Variants in CTXN1 observed in about 807,000 individuals in gnomAD.
CTXN1 encodes the protein cortexin-1.
A neutral mutation model predicts 5.5 loss-of-function variants in CTXN1; 4 were observed. The observed-to-expected ratio is 0.73, with a 90% CI of 0.36 to 1.68. The LOEUF (loss-of-function observed/expected upper bound fraction) is 1.68, where lower values mean the gene tolerates loss of function less well. Ranked by LOEUF, CTXN1 falls within the 40% of genes most tolerant of loss-of-function variation. The pLI, the probability that CTXN1 is intolerant of heterozygous loss-of-function variation, is 0.05. For synonymous variants in CTXN1, 67 were observed against 62.8 expected, an observed-to-expected ratio of 1.07 and a Z score of -0.32; for missense variants, 111 against 123.0, an observed-to-expected ratio of 0.90 and a Z score of 0.46.
rs1242984260 is a variant in CTXN1, at chr19:7,925,044, T to G, written c.*246A>C. The G allele has an allele frequency of 2.2e-5, 7 of 320,512 alleles. No individual in the cohort carries two copies. The highest frequency in any genetic ancestry group is 2.3e-5 in the African/African-American group (1 of 42,844). The allele number at this position is 320,512 out of a possible 1,614,324, so 19.9% of individuals were successfully genotyped here. A position where few individuals can be genotyped will look rare whatever the true frequency, so the allele number is the denominator to read the frequency against. On this transcript the variant is annotated 3_prime_UTR_variant, in exon 2 of 2. Coordinates refer to ENST00000318978, the MANE Select transcript of CTXN1 (RefSeq NM_206833.4). The surrounding 1 kb of genome is among the most constrained non-coding windows in gnomAD (Gnocchi z 5.0). ...CGGGGGTGGGGGCCAGCCGGGCGGGTGAGATGCGCAGAGAGGAAGGGACAG... is the reference window on the plus strand; with the variant it reads ...CGGGGGTGGGGGCCAGCCGGGCGGGGGAGATGCGCAGAGAGGAAGGGACAG...
chr19:7,925,820 T>C lies in CTXN1; in HGVS notation c.-21+147A>G. On this transcript the variant is annotated intron_variant, in intron 1 of 1. Coordinates refer to ENST00000318978, the MANE Select transcript of CTXN1 (RefSeq NM_206833.4). This position sits in a 1 kb window ranked among gnomAD's most constrained non-coding sequence, Gnocchi z 5.0. Reference sequence around the variant, plus strand: ...CCGGGAAACGGAGCCGCGCCCGGCCTGGGCCGCACACAACAGGTGCGAAAG... The same window carrying C: ...CCGGGAAACGGAGCCGCGCCCGGCCCGGGCCGCACACAACAGGTGCGAAAG... 1 of 259,502 alleles carries C rather than the reference T, an allele frequency of 3.9e-6. No individual in the cohort carries two copies. Among genetic ancestry groups the C allele is most frequent in the Non-Finnish European group, 7.2e-6 (1 of 138,924 alleles). The allele number at this position is 259,502 out of a possible 1,614,324, so 16.1% of individuals were successfully genotyped here.
chr19:7,925,754 G>A lies in CTXN1; in HGVS notation c.-20-196C>T, dbSNP rs1983765454. 6.6e-6 allele frequency among the ~76,000 whole-genome samples: 1 copy of A among 151,476 alleles called. No homozygotes were observed. Among genetic ancestry groups the A allele is most frequent in the Non-Finnish European group, 1.5e-5 (1 of 67,786 alleles). On this transcript the variant is annotated intron_variant, in intron 1 of 1. Coordinates refer to ENST00000318978, the MANE Select transcript of CTXN1 (RefSeq NM_206833.4). The surrounding 1 kb of genome is among the most constrained non-coding windows in gnomAD (Gnocchi z 5.0). The stretch of plus-strand genomic sequence containing the variant: ...CGGATCGCCGCCACCACCACGCGGG[G>A]ACCCAACTCTGGCCGTGCGCGCAGG...
Position 7,925,868 on chromosome 19 carries a change from G to A in CTXN1, c.-21+99C>T. On this transcript the variant is annotated intron_variant, in intron 1 of 1. Transcript: ENST00000318978. This position sits in a 1 kb window ranked among gnomAD's most constrained non-coding sequence, Gnocchi z 5.0. Reference sequence around the variant, plus strand: ...AAGCGCGGCCGCGGCCCGGGCGCGCGGCGTGGGGACGGTCCCCGCGGCCCC... The same window carrying A: ...AAGCGCGGCCGCGGCCCGGGCGCGCAGCGTGGGGACGGTCCCCGCGGCCCC... 5.5e-6 allele frequency: 1 copy of A among 180,990 alleles called. No individual in the cohort carries two copies. Among genetic ancestry groups the A allele is most frequent in the Non-Finnish European group, 1.1e-5 (1 of 87,862 alleles). 11.2% of individuals were successfully genotyped at this position (180,990 alleles called of 1,614,324 possible). A position where few individuals can be genotyped will look rare whatever the true frequency, so the allele number is the denominator to read the frequency against.
chr19:7,924,846 G>C lies in CTXN1; in HGVS notation c.*444C>G, dbSNP rs1983725098. On this transcript the variant is annotated 3_prime_UTR_variant, in exon 2 of 2. Transcript: ENST00000318978. ...GGGAGAGCCTGCCCCGCAGGGACCA[G>C]AGCCCAAGGACGGGCTCAACACTCA... 6.5e-6 allele frequency: 1 copy of C among 154,226 alleles called. No homozygotes were observed. Among genetic ancestry groups the C allele is most frequent in the African/African-American group, 2.4e-5 (1 of 41,526 alleles). The allele number at this position is 154,226 out of a possible 1,614,324, so 9.6% of individuals were successfully genotyped here.
rs1983731894 is a variant in CTXN1, at chr19:7,924,995, C to G, written c.*295G>C. ...CTGGGGAGGGGGCGGTGCGGGGGTC[C>G]TCCTCCCGCCCGGGATTCAGAGTCG... On this transcript the variant is annotated 3_prime_UTR_variant, in exon 2 of 2. Transcript: ENST00000318978. 3.7e-6 allele frequency: 1 copy of G among 273,404 alleles called. No homozygotes were observed. Among genetic ancestry groups the G allele is most frequent in the Non-Finnish European group, 6.8e-6 (1 of 147,078 alleles). 16.9% of individuals were successfully genotyped at this position (273,404 alleles called of 1,614,324 possible). A position where few individuals can be genotyped will look rare whatever the true frequency, so the allele number is the denominator to read the frequency against.
At position 7,925,638 on chromosome 19, in the gene CTXN1, C is replaced by A; in HGVS notation, c.-20-80G>T. ...CCGCGCCTCCTCCGCTTCGCCCCCT[C>A]CTGCCGCCGCCGCCGCCGCCTCCCT... is the stretch of plus-strand genomic sequence containing the variant. On this transcript the variant is annotated intron_variant, in intron 1 of 1. Transcript: ENST00000318978. The surrounding 1 kb of genome is among the most constrained non-coding windows in gnomAD (Gnocchi z 5.0). 2 of 1,177,620 alleles carry A rather than the reference C, an allele frequency of 1.7e-6. No homozygotes were observed. The highest frequency in any genetic ancestry group is 2.2e-6 in the Non-Finnish European group (2 of 929,634). The allele number at this position is 1,177,620 out of a possible 1,614,324, so 72.9% of individuals were successfully genotyped here. A position where few individuals can be genotyped will look rare whatever the true frequency, so the allele number is the denominator to read the frequency against.
chr19:7,925,223 C>CG lies in CTXN1; in HGVS notation c.*66dup. 9.3e-7 allele frequency: 1 copy of CG among 1,080,002 alleles called. No individual in the cohort carries two copies. The allele number at this position is 1,080,002 out of a possible 1,614,324, so 66.9% of individuals were successfully genotyped here. A position where few individuals can be genotyped will look rare whatever the true frequency, so the allele number is the denominator to read the frequency against. On this transcript the variant is annotated 3_prime_UTR_variant, in exon 2 of 2. Transcript: ENST00000318978. The surrounding 1 kb of genome is among the most constrained non-coding windows in gnomAD (Gnocchi z 5.0). The stretch of plus-strand genomic sequence containing the variant: ...GATCCTGAGCGCAGTCCTGGCCCCG[C>CG]GGCGCCCCCCGCCGGGCCGGCCCTC...
chr19:7,925,366 C>T lies in CTXN1; in HGVS notation c.173G>A (p.Ser58Asn). 1 of 1,580,708 alleles carries T rather than the reference C, an allele frequency of 6.3e-7. No homozygotes were observed. The highest frequency in any genetic ancestry group is 8.6e-7 in the Non-Finnish European group (1 of 1,169,034). ...GGTCCAGGACGAGGCGGGCATGCGGCTGTAGGGGTCGAGCAGGATGCGCAC... is the reference window on the plus strand; with the variant it reads ...GGTCCAGGACGAGGCGGGCATGCGGTTGTAGGGGTCGAGCAGGATGCGCAC... The part of the protein sequence containing the change: ...RCVRILLDPY[S>N]RMPASSWTDH... The change falls in exon 2 of 2, where the codon AGC (serine) becomes AAC (asparagine). Residue 58 changes from serine (S) to asparagine (N), a missense_variant. By Grantham distance (46) the Ser-to-Asn change is conservative (BLOSUM62 1). Coordinates refer to ENST00000318978, the MANE Select transcript of CTXN1 (RefSeq NM_206833.4). The surrounding 1 kb of genome is among the most constrained non-coding windows in gnomAD (Gnocchi z 5.0).
Position 7,925,105 on chromosome 19 carries a change from C to G in CTXN1, c.*185G>C. ...GGCACGAGGTGGGGCTCCGGCCAGGCCAGGAAGGGACATGGGAGGGGTCTC... is the reference window on the plus strand; with the variant it reads ...GGCACGAGGTGGGGCTCCGGCCAGGGCAGGAAGGGACATGGGAGGGGTCTC... On this transcript the variant is annotated 3_prime_UTR_variant, in exon 2 of 2. Transcript: ENST00000318978. This position sits in a 1 kb window ranked among gnomAD's most constrained non-coding sequence, Gnocchi z 5.0. 1 of 399,682 alleles carries G rather than the reference C, an allele frequency of 2.5e-6. No individual in the cohort carries two copies. Among genetic ancestry groups the G allele is most frequent in the Non-Finnish European group, 4.3e-6 (1 of 232,554 alleles). The allele number at this position is 399,682 out of a possible 1,614,324, so 24.8% of individuals were successfully genotyped here. A position where few individuals can be genotyped will look rare whatever the true frequency, so the allele number is the denominator to read the frequency against.
rs761735401 is a variant in CTXN1, at chr19:7,925,242, G to A, written c.*48C>T. 8.2e-7 allele frequency: 1 copy of A among 1,219,476 alleles called. No homozygotes were observed. The highest frequency in any genetic ancestry group is 3.1e-5 in the South Asian group (1 of 32,494). The allele number at this position is 1,219,476 out of a possible 1,614,324, so 75.5% of individuals were successfully genotyped here. On this transcript the variant is annotated 3_prime_UTR_variant, in exon 2 of 2. Transcript: ENST00000318978. The surrounding 1 kb of genome is among the most constrained non-coding windows in gnomAD (Gnocchi z 5.0). The stretch of plus-strand genomic sequence containing the variant: ...GCCCCGCGGCGCCCCCCGCCGGGCC[G>A]GCCCTCTGAGACCCCGGCGCAGGGC...
rs749221050 is a variant in CTXN1 at position 7,925,323 on chromosome 19, G to C, written c.216C>G (p.Leu72=). ...ACGCGTAGTCGAACTGCCCGCGCTCGAGCGCCTCCTTGTGGTCGGTCCAGG... is the reference window on the plus strand; with the variant it reads ...ACGCGTAGTCGAACTGCCCGCGCTCCAGCGCCTCCTTGTGGTCGGTCCAGG... ...ASSWTDHKEA[L]ERGQFDYALV Residue 72 remains leucine, a synonymous_variant, in exon 2 of 2, where the codon CTC becomes CTG. Transcript: ENST00000318978. This position sits in a 1 kb window ranked among gnomAD's most constrained non-coding sequence, Gnocchi z 5.0. 1.3e-5 allele frequency: 20 copies of C among 1,516,040 alleles called. No individual in the cohort carries two copies. Among genetic ancestry groups the C allele is most frequent in the Non-Finnish European group, 1.7e-5 (19 of 1,134,100 alleles). 93.9% of individuals were successfully genotyped at this position (1,516,040 alleles called of 1,614,324 possible).
chr19:7,925,145 G>A lies in CTXN1; in HGVS notation c.*145C>T, dbSNP rs574088849. ...GGAGGGGTCTCGAGGGGGAGGGGCT[G>A]GGCTTCTCCCAACTCCCTCCCCCTC... On this transcript the variant is annotated 3_prime_UTR_variant, in exon 2 of 2. Transcript: ENST00000318978. This position sits in a 1 kb window ranked among gnomAD's most constrained non-coding sequence, Gnocchi z 5.0. The A allele has an allele frequency of 0.011, 5,854 of 526,856 alleles. 48 individuals carry two copies. Among genetic ancestry groups the A allele is most frequent in the Middle Eastern group, 0.017 (31 of 1,832 alleles). 32.6% of individuals were successfully genotyped at this position (526,856 alleles called of 1,614,324 possible).
At position 7,925,486 on chromosome 19, in the gene CTXN1, G is replaced by C; in HGVS notation, c.53C>G (p.Pro18Arg). 6.5e-7 allele frequency: 1 copy of C among 1,534,282 alleles called. No homozygotes were observed. Among genetic ancestry groups the C allele is most frequent in the Non-Finnish European group, 8.7e-7 (1 of 1,147,714 alleles). The change falls in exon 2 of 2, where the codon CCC becomes CGC. Residue 18 changes from proline to arginine, a missense_variant. By Grantham distance (103) the Pro-to-Arg change is moderately radical. Transcript: ENST00000318978. The surrounding 1 kb of genome is among the most constrained non-coding windows in gnomAD (Gnocchi z 5.0). ...SPEPLPPSTG[P>R]PVGAGLDAEQ... ...CGCGTCCAGGCCCGCGCCCACCGGGGGCCCCGTCGACGGCGGCAGGGGCTC... is the reference window on the plus strand; with the variant it reads ...CGCGTCCAGGCCCGCGCCCACCGGGCGCCCCGTCGACGGCGGCAGGGGCTC...
chr19:7,925,592 G>T lies in CTXN1; in HGVS notation c.-20-34C>A, dbSNP rs897761292. ...GAGGGGACCCGCCCCGGGCGCCGGG[G>T]ATGAGGCTGCGCCCTCCCTCCCGCG... On this transcript the variant is annotated intron_variant, in intron 1 of 1. Transcript: ENST00000318978. The surrounding 1 kb of genome is among the most constrained non-coding windows in gnomAD (Gnocchi z 5.0). 3.8e-6 allele frequency: 5 copies of T among 1,315,612 alleles called. No homozygotes were observed. The Admixed American group carries it at 1.3e-4, about 33-fold the overall frequency. The allele number at this position is 1,315,612 out of a possible 1,614,324, so 81.5% of individuals were successfully genotyped here.
chr19:7,925,269 G>A lies in CTXN1; in HGVS notation c.*21C>T, dbSNP rs576794476. Reference sequence around the variant, plus strand: ...CCCTCTGAGACCCCGGCGCAGGGCCGGCTAGGGGGCGCCGCGCCCCTCACA... The same window carrying A: ...CCCTCTGAGACCCCGGCGCAGGGCCAGCTAGGGGGCGCCGCGCCCCTCACA... On this transcript the variant is annotated 3_prime_UTR_variant, in exon 2 of 2. Coordinates refer to ENST00000318978, the MANE Select transcript of CTXN1 (RefSeq NM_206833.4). This position sits in a 1 kb window ranked among gnomAD's most constrained non-coding sequence, Gnocchi z 5.0. The A allele has an allele frequency of 1.4e-5, 19 of 1,324,598 alleles. No homozygotes were observed. The highest frequency in any genetic ancestry group is 1.8e-5 in the Non-Finnish European group (19 of 1,034,406). The allele number at this position is 1,324,598 out of a possible 1,614,324, so 82.1% of individuals were successfully genotyped here.
rs370706588 is a variant in CTXN1 at position 7,925,479 on chromosome 19, C to A, written c.60G>T (p.Val20=). ...EPLPPSTGPP[V]GAGLDAEQRT... ...GCTGCTCCGCGTCCAGGCCCGCGCC[C>A]ACCGGGGGCCCCGTCGACGGCGGCA... Residue 20 remains valine, a synonymous_variant, in exon 2 of 2, where the codon GTG becomes GTT. Coordinates refer to ENST00000318978, the MANE Select transcript of CTXN1 (RefSeq NM_206833.4). The surrounding 1 kb of genome is among the most constrained non-coding windows in gnomAD (Gnocchi z 5.0). 6.4e-6 allele frequency: 10 copies of A among 1,555,376 alleles called. No homozygotes were observed. The African/African-American group carries it at 1.4e-4, about 22-fold the overall frequency.
Position 7,925,033 on chromosome 19 carries a change from A to C in CTXN1, c.*257T>G. Reference sequence around the variant, plus strand: ...GGATTCAGAGTCGGGGGTGGGGGCCAGCCGGGCGGGTGAGATGCGCAGAGA... The same window carrying C: ...GGATTCAGAGTCGGGGGTGGGGGCCCGCCGGGCGGGTGAGATGCGCAGAGA... On this transcript the variant is annotated 3_prime_UTR_variant, in exon 2 of 2. Coordinates refer to ENST00000318978, the MANE Select transcript of CTXN1 (RefSeq NM_206833.4). This position sits in a 1 kb window ranked among gnomAD's most constrained non-coding sequence, Gnocchi z 5.0. 2 of 317,916 alleles carry C rather than the reference A, an allele frequency of 6.3e-6. No individual in the cohort carries two copies. The highest frequency in any genetic ancestry group is 5.7e-6 in the Non-Finnish European group (1 of 175,442). 19.7% of individuals were successfully genotyped at this position (317,916 alleles called of 1,614,324 possible). A position where few individuals can be genotyped will look rare whatever the true frequency, so the allele number is the denominator to read the frequency against.
Position 7,925,108 on chromosome 19 carries a change from G to A in CTXN1, c.*182C>T, listed in dbSNP as rs1181851488. 2.5e-6 allele frequency: 1 copy of A among 403,096 alleles called. No homozygotes were observed. Among genetic ancestry groups the A allele is most frequent in the African/African-American group, 2.1e-5 (1 of 48,020 alleles). The allele number at this position is 403,096 out of a possible 1,614,324, so 25.0% of individuals were successfully genotyped here. On this transcript the variant is annotated 3_prime_UTR_variant, in exon 2 of 2. Transcript: ENST00000318978. The surrounding 1 kb of genome is among the most constrained non-coding windows in gnomAD (Gnocchi z 5.0). ...ACGAGGTGGGGCTCCGGCCAGGCCA[G>A]GAAGGGACATGGGAGGGGTCTCGAG...
In CTXN1 at chr19:7,925,353, G is replaced by A. The variant is rs776861065; in HGVS notation, c.186C>T (p.Ala62=). Reference sequence around the variant, plus strand: ...CCTCCTTGTGGTCGGTCCAGGACGAGGCGGGCATGCGGCTGTAGGGGTCGA... The same window carrying A: ...CCTCCTTGTGGTCGGTCCAGGACGAAGCGGGCATGCGGCTGTAGGGGTCGA... ...ILLDPYSRMP[A]SSWTDHKEAL... The change falls in exon 2 of 2, where the codon GCC becomes GCT. Residue 62 remains alanine (A), a synonymous_variant. Coordinates refer to ENST00000318978, the MANE Select transcript of CTXN1 (RefSeq NM_206833.4). The surrounding 1 kb of genome is among the most constrained non-coding windows in gnomAD (Gnocchi z 5.0). The A allele has an allele frequency of 1.3e-6, 2 of 1,576,920 alleles. No individual in the cohort carries two copies. The highest frequency in any genetic ancestry group is 2.4e-5 in the East Asian group (1 of 41,138).
Sources: gnomAD v4.1 joint callset for allele counts (sites outside exome capture counted in the v4.1 genomes callset) on GRCh38, gnomAD v4.1.1 for gene constraint, Gnocchi (gnomAD v3.1) non-coding constraint, MANE v1.5 for transcripts, NCBI Gene and HGNC (gene_info 2026-07-23, HGNC 2026-07-21) for gene names.